Variants in ERFL observed in about 807,000 individuals in gnomAD.
The protein encoded by ERFL is ETS domain-containing transcription factor ERF-like.
ERFL carries 8 observed loss-of-function variants against 27.9 expected under a neutral mutation model. That is an observed-to-expected ratio of 0.29 (90% CI 0.17 to 0.52). The LOEUF is 0.52. Among genes scored for constraint, ERFL ranks in the 20% least tolerant of loss-of-function variants. The probability of loss-of-function intolerance (pLI) is 0.97; values close to 1 mark genes in which losing one functional copy is unlikely to be tolerated. For synonymous variants in ERFL, 174 were observed against 202.8 expected, an observed-to-expected ratio of 0.86 and a Z score of 1.21; for missense variants, 294 against 444.4, an observed-to-expected ratio of 0.66 and a Z score of 3.04.
rs959901885 is a variant in ERFL, at chr19:41,908,478, G to C, written c.815C>G (p.Pro272Arg). 1.5e-5 allele frequency: 19 copies of C among 1,231,444 alleles called. No homozygotes were observed. Among genetic ancestry groups the C allele is most frequent in the Non-Finnish European group, 1.9e-5 (19 of 987,870 alleles). 76.3% of individuals were successfully genotyped at this position (1,231,444 alleles called of 1,614,324 possible). A position where few individuals can be genotyped will look rare whatever the true frequency, so the allele number is the denominator to read the frequency against. The change falls in exon 6 of 6, where the codon CCC (proline) becomes CGC (arginine). Residue 272 changes from proline to arginine, a missense_variant. By Grantham distance (103) the Pro-to-Arg change is moderately radical (BLOSUM62 -2). Transcript: ENST00000597630. The surrounding 1 kb of genome is among the most constrained non-coding windows in gnomAD (Gnocchi z 6.7). Reference protein sequence around the residue: ...HLPSSGAGGGPTATPLLASTG... With the variant: ...HLPSSGAGGGRTATPLLASTG... ...CGAGGCCAGCAGGGGCGTGGCTGTG[G>C]GGCCTCCCCCTGCCCCTGACGAGGG...
At chr19:41,915,126 C>T (rs1394570002) in intron 1 of ERFL, among the ~76,000 whole-genome samples, 3 of 95,920 alleles carry the variant, frequency 3.1e-5, no homozygotes, top group South Asian at 5.7e-4. Flanking sequence ...CCTCCTTCCT[C>T]CCCCCGCCCC....
At chr19:41,924,564 G>A (rs1373401422) in intron 1 of ERFL, among the ~76,000 whole-genome samples, 5 of 151,612 alleles carry the variant, frequency 3.3e-5, no homozygotes, top group Non-Finnish European at 7.4e-5. Context: ...ATATGGGGAG[G>A]GTAGGTGTTA....
At chr19:41,920,500 GCACT>G (rs1429479299) in intron 1 of ERFL, among the ~76,000 whole-genome samples, 1 of 143,300 alleles carries the variant, frequency 7.0e-6, no homozygotes, top group Non-Finnish European at 1.5e-5. Context: ...CAGACATGAC[GCACT>G]CAGACATGAC....
rs541109321 is a variant in ERFL, at chr19:41,908,585, C to G, written c.708G>C (p.Thr236=). 3.4e-3 allele frequency: 4,207 copies of G among 1,231,698 alleles called. 9 individuals carry two copies. Among genetic ancestry groups the G allele is most frequent in the Non-Finnish European group, 4.1e-3 (4,014 of 988,070 alleles). 76.3% of individuals were successfully genotyped at this position (1,231,698 alleles called of 1,614,324 possible). A position where few individuals can be genotyped will look rare whatever the true frequency, so the allele number is the denominator to read the frequency against. Reference sequence around the variant, plus strand: ...AGGGAGGCAGCTTGGGGAAGGGGCCCGTGAGGTACGGGTTAAAGTTCCAGG... The same window carrying G: ...AGGGAGGCAGCTTGGGGAAGGGGCCGGTGAGGTACGGGTTAAAGTTCCAGG... The part of the protein sequence containing the change: ...EYPWNFNPYL[T]GPFPKLPPSL... The change falls in exon 6 of 6, where the codon ACG becomes ACC. Residue 236 remains threonine, a synonymous_variant. Transcript: ENST00000597630. This position sits in a 1 kb window ranked among gnomAD's most constrained non-coding sequence, Gnocchi z 6.7.
rs920134413 is a variant in ERFL at position 41,921,625 on chromosome 19, G to A, written c.-14+6415C>T. Among the ~76,000 whole-genome samples, 2 of 152,062 alleles carry A rather than the reference G, an allele frequency of 1.3e-5. No individual in the cohort carries two copies. Among genetic ancestry groups the A allele is most frequent in the Admixed American group, 6.5e-5 (1 of 15,274 alleles). On this transcript the variant is annotated intron_variant, in intron 1 of 5. Transcript: ENST00000597630. The surrounding 1 kb of genome is among the most constrained non-coding windows in gnomAD (Gnocchi z 4.4). ...GTCACGGGAGAGCGAGGGCCGCACC[G>A]GAGACCCTGGGTTGGGAGGAAGGAG...
chr19:41,909,321 G>A lies in ERFL; in HGVS notation c.453C>T (p.Pro151=). ...CATCTGGCCCTGGGGCCCCCCCAAA[G>A]GGACTGGGGGTCAGCAAGAGTGGGG... ...TGSPLLLTPS[P]FGGAPGPDAP... is the part of the protein sequence containing the mutation. Residue 151 remains proline, a synonymous_variant, in exon 4 of 6, where the codon CCC becomes CCT. Coordinates refer to ENST00000597630, the MANE Select transcript of ERFL (RefSeq NM_001365103.2). The surrounding 1 kb of genome is among the most constrained non-coding windows in gnomAD (Gnocchi z 5.2). 1.6e-6 allele frequency: 2 copies of A among 1,235,184 alleles called. No individual in the cohort carries two copies. The highest frequency in any genetic ancestry group is 3.1e-5 in the African/African-American group (2 of 64,630). 76.5% of individuals were successfully genotyped at this position (1,235,184 alleles called of 1,614,324 possible). A position where few individuals can be genotyped will look rare whatever the true frequency, so the allele number is the denominator to read the frequency against.
chr19:41,919,377 C>A (rs563548540), intron 1 of ERFL, among the ~76,000 whole-genome samples: 1 of 152,170 alleles, frequency 6.6e-6, no homozygotes, highest in African/African-American at 2.4e-5. Context: ...CAAACATACA[C>A]AATCAAACAT....
chr19:41,917,742 T>G lies in ERFL; in HGVS notation c.-13-4810A>C, dbSNP rs1287172884. Among the ~76,000 whole-genome samples the G allele has an allele frequency of 6.6e-6, 1 of 151,716 alleles. No individual in the cohort carries two copies. Among genetic ancestry groups the G allele is most frequent in the Non-Finnish European group, 1.5e-5 (1 of 67,944 alleles). ...TATCTCTCCTTACGCCACACGCCCA[T>G]GTAGGACACATCTGTGCACACAGTA... On this transcript the variant is annotated intron_variant, in intron 1 of 5. Coordinates refer to ENST00000597630, the MANE Select transcript of ERFL (RefSeq NM_001365103.2). This position sits in a 1 kb window ranked among gnomAD's most constrained non-coding sequence, Gnocchi z 4.8.
intron 1 of ERFL, among the ~76,000 whole-genome samples, chr19:41,913,285 C>G (rs2074765325): frequency 6.9e-6 from 1 of 144,822 alleles, no homozygotes; most frequent in African/African-American, 2.5e-5. Context: ...GCCCGCCGCT[C>G]GCGCCCCGCA....
In ERFL at chr19:41,916,427, ACAC is replaced by A. The variant is rs2074802155; in HGVS notation, c.-13-3498_-13-3496del. Among the ~76,000 whole-genome samples, 2 of 152,144 alleles carry A rather than the reference ACAC, an allele frequency of 1.3e-5. No individual in the cohort carries two copies. Among genetic ancestry groups the A allele is most frequent in the Admixed American group, 6.5e-5 (1 of 15,278 alleles). On this transcript the variant is annotated intron_variant, in intron 1 of 5. Transcript: ENST00000597630. The surrounding 1 kb of genome is among the most constrained non-coding windows in gnomAD (Gnocchi z 5.4). ...CCAACACTGTCACAGTCACACACAC[ACAC>A]ATCAGCATAGTCACAGATGCACAGA...
intron 1 of ERFL, among the ~76,000 whole-genome samples, chr19:41,922,307 G>A (rs959404235): frequency 3.8e-4 from 58 of 152,294 alleles, no homozygotes; most frequent in African/African-American, 1.4e-3. Flanking sequence ...GGGAGACAGA[G>A]ATAGCAGATC....
In ERFL at chr19:41,914,634, T is replaced by C. The variant is rs370661071; in HGVS notation, c.-13-1702A>G. The stretch of plus-strand genomic sequence containing the variant: ...CCTCCCCTTCCACCATCTCTGTCTC[T>C]GTCTCTCCCTCCCTTTCCACCATCT... On this transcript the variant is annotated intron_variant, in intron 1 of 5. Transcript: ENST00000597630. Among the ~76,000 whole-genome samples the C allele has an allele frequency of 7.9e-3, 279 of 35,358 alleles. 40 individuals carry two copies. The highest frequency in any genetic ancestry group is 0.015 in the South Asian group (11 of 754). The allele number at this position is 35,358 out of a possible 152,430, so 23.2% of individuals were successfully genotyped here.
rs1358270344 is a variant in ERFL at position 41,912,944 on chromosome 19, G to A, written c.-13-12C>T. ...TGGCGGAGCCGGCCCTGCAGAGGCCGGGAGGGACACACGGGGACGGGGTGG... is the reference window on the plus strand; with the variant it reads ...TGGCGGAGCCGGCCCTGCAGAGGCCAGGAGGGACACACGGGGACGGGGTGG... On this transcript the variant is annotated splice_polypyrimidine_tract_variant and intron_variant, in intron 1 of 5. Coordinates refer to ENST00000597630, the MANE Select transcript of ERFL (RefSeq NM_001365103.2). 21 of 1,203,126 alleles carry A rather than the reference G, an allele frequency of 1.7e-5. No homozygotes were observed. The highest frequency in any genetic ancestry group is 1.5e-5 in the Non-Finnish European group (14 of 962,092). The allele number at this position is 1,203,126 out of a possible 1,614,324, so 74.5% of individuals were successfully genotyped here.
intron 1 of ERFL, among the ~76,000 whole-genome samples, chr19:41,926,200 G>T (rs1439110232): frequency 3.3e-5 from 5 of 151,984 alleles, no homozygotes; most frequent in Non-Finnish European, 5.9e-5. Flanking sequence ...ACCTGGAGGG[G>T]CAGGTAAGAG....
At chr19:41,920,737 C>T (rs1177027652) in intron 1 of ERFL, among the ~76,000 whole-genome samples, 1 of 152,230 alleles carries the variant, frequency 6.6e-6, no homozygotes, top group Non-Finnish European at 1.5e-5. Flanking sequence ...GGTCTTCTGC[C>T]TCGACTGCAC....
Position 41,908,145 on chromosome 19 carries a change from C to G in ERFL, c.*83G>C. ...GACCTGGGAGGTGCTGAGGGCTGGT[C>G]CTGGGCCTTGGGCCAGGCATCAAGG... On this transcript the variant is annotated 3_prime_UTR_variant, in exon 6 of 6. Transcript: ENST00000597630. This position sits in a 1 kb window ranked among gnomAD's most constrained non-coding sequence, Gnocchi z 6.7. 1 of 1,115,808 alleles carries G rather than the reference C, an allele frequency of 9.0e-7. No individual in the cohort carries two copies. Among genetic ancestry groups the G allele is most frequent in the Non-Finnish European group, 1.1e-6 (1 of 881,982 alleles). 69.1% of individuals were successfully genotyped at this position (1,115,808 alleles called of 1,614,324 possible). A position where few individuals can be genotyped will look rare whatever the true frequency, so the allele number is the denominator to read the frequency against.
rs1408438577 is a variant in ERFL at position 41,917,583 on chromosome 19, G to C, written c.-13-4651C>G. Reference sequence around the variant, plus strand: ...CGGGGCTCTGTCTAAAGAGGAGAGAGACGCGGCCTAAGACCCTTCTGCCAC... The same window carrying C: ...CGGGGCTCTGTCTAAAGAGGAGAGACACGCGGCCTAAGACCCTTCTGCCAC... On this transcript the variant is annotated intron_variant, in intron 1 of 5. Transcript: ENST00000597630. This position sits in a 1 kb window ranked among gnomAD's most constrained non-coding sequence, Gnocchi z 4.8. Among the ~76,000 whole-genome samples, 1 of 151,276 alleles carries C rather than the reference G, an allele frequency of 6.6e-6. No individual in the cohort carries two copies. Among genetic ancestry groups the C allele is most frequent in the Non-Finnish European group, 1.5e-5 (1 of 67,822 alleles).
At chr19:41,927,239 G>T (rs1017510956) in intron 1 of ERFL, among the ~76,000 whole-genome samples, 1 of 152,092 alleles carries the variant, frequency 6.6e-6, no homozygotes, top group Admixed American at 6.5e-5. Context: ...CTGCGACAGT[G>T]GTGGAATGAT....
intron 1 of ERFL, chr19:41,923,022 G>A (rs2074851128): frequency 7.5e-6 from 3 of 398,352 alleles, no homozygotes; most frequent in South Asian, 3.7e-5. Flanking sequence ...GAAGAGGCGG[G>A]AGGGGGCTGG....
Sources: gnomAD v4.1 joint callset for allele counts (sites outside exome capture counted in the v4.1 genomes callset) on GRCh38, gnomAD v4.1.1 for gene constraint, Gnocchi (gnomAD v3.1) non-coding constraint, MANE v1.5 for transcripts, NCBI Gene and HGNC (gene_info 2026-07-23, HGNC 2026-07-21) for gene names.